Variants in PHOSPHO1 observed in about 807,000 individuals in gnomAD.
PHOSPHO1 encodes phosphoethanolamine/phosphocholine phosphatase.
PHOSPHO1 carries 6 observed loss-of-function variants against 17.7 expected under a neutral mutation model. That is an observed-to-expected ratio of 0.34 (90% CI 0.19 to 0.67). The LOEUF is 0.67. Among genes scored for constraint, PHOSPHO1 ranks in the 30% least tolerant of loss-of-function variants. The probability of loss-of-function intolerance (pLI) is 0.69; values close to 1 mark genes in which losing one functional copy is unlikely to be tolerated. For synonymous variants in PHOSPHO1, 159 were observed against 174.6 expected (o/e 0.91, Z 0.71); for missense variants, 330 against 392.1 (o/e 0.84, Z 1.34).
In PHOSPHO1 at chr17:49,224,000, A is replaced by G. The variant is rs117283909; in HGVS notation, c.*246T>C. On this transcript the variant is annotated 3_prime_UTR_variant, in exon 3 of 3. Coordinates refer to ENST00000310544, the MANE Select transcript of PHOSPHO1 (RefSeq NM_178500.4). ...TCCAAGGTTTGCGCGCCACCCCGCG[A>G]TGGGTCAGACTCCAGAACTCAACCG... The G allele has an allele frequency of 7.9e-4, 356 of 452,392 alleles. No homozygotes were observed. Among genetic ancestry groups the G allele is most frequent in the Non-Finnish European group, 1.1e-3 (295 of 270,930 alleles). 28.0% of individuals were successfully genotyped at this position (452,392 alleles called of 1,614,324 possible).
At chr17:49,225,202 C>G in intron 2 of PHOSPHO1, 198 bp from the exon 3 acceptor site, 2 of 1,425,834 alleles carry the variant, frequency 1.4e-6, no homozygotes, top group Non-Finnish European at 1.8e-6. Flanking sequence ...CCAGCCTTCC[C>G]TGACTACTCC....
chr17:49,225,668 A>G (rs1226656628), intron 2 of PHOSPHO1: 13 of 1,289,992 alleles, frequency 1.0e-5, no homozygotes, highest in Non-Finnish European at 1.3e-5. Flanking sequence ...ATTCCCCAGG[A>G]GGAACGTGTC....
chr17:49,228,787 C>CAA lies in PHOSPHO1; in HGVS notation c.-68+1679_-68+1680dup, dbSNP rs71144585. ...CCTGGGCGACAGCGAGACTCCGTCT[C>CAA]AAAAAAAAAAAAAAAAAAAAAAATT... is the stretch of plus-strand genomic sequence containing the variant. On this transcript the variant is annotated intron_variant, in intron 1 of 2. Coordinates refer to ENST00000310544, the MANE Select transcript of PHOSPHO1 (RefSeq NM_178500.4). Among the ~76,000 whole-genome samples the CAA allele has an allele frequency of 9.7e-3, 765 of 78,546 alleles. 10 individuals are homozygous for CAA. The highest frequency in any genetic ancestry group is 0.048 in the East Asian group (119 of 2,486). 51.5% of individuals were successfully genotyped at this position (78,546 alleles called of 152,430 possible).
intron 1 of PHOSPHO1, among the ~76,000 whole-genome samples, chr17:49,229,932 C>T (rs577227821): frequency 3.9e-5 from 6 of 152,278 alleles, no homozygotes; most frequent in African/African-American, 9.6e-5. Flanking sequence ...TGGAGCTCCC[C>T]CCTTGGCCCT....
At chr17:49,225,680 G>A (rs1222922286) in intron 2 of PHOSPHO1, 1 of 1,289,806 alleles carries the variant, frequency 7.8e-7, no homozygotes, top group Non-Finnish European at 1.0e-6. Flanking sequence ...GAACGTGTCA[G>A]CAGGTGGGGT....
At position 49,224,204 on chromosome 17, in the gene PHOSPHO1, C is replaced by T. The variant is rs1489708355; in HGVS notation, c.*42G>A. On this transcript the variant is annotated 3_prime_UTR_variant, in exon 3 of 3. Coordinates refer to ENST00000310544, the MANE Select transcript of PHOSPHO1 (RefSeq NM_178500.4). The stretch of plus-strand genomic sequence containing the variant: ...TTTGCCGAATCTCCCTTCCCCGCCC[C>T]CTCCGCCGTTGGCCCGGGTACCCCC... 2.0e-6 allele frequency: 3 copies of T among 1,511,544 alleles called. No individual in the cohort carries two copies. Among genetic ancestry groups the T allele is most frequent in the South Asian group, 1.3e-5 (1 of 79,162 alleles). The allele number at this position is 1,511,544 out of a possible 1,614,324, so 93.6% of individuals were successfully genotyped here. A position where few individuals can be genotyped will look rare whatever the true frequency, so the allele number is the denominator to read the frequency against.
At chr17:49,228,289 CTTCCTTCCTCCT>C (rs765359575) in intron 1 of PHOSPHO1, among the ~76,000 whole-genome samples, 7,393 of 74,820 alleles carry the variant, frequency 0.099, 248 homozygotes, top group Non-Finnish European at 0.14. Flanking sequence ...TCCTTCCTTC[CTTCCTTCCTCCT>C]TCCTTCCTTC....
At position 49,228,774 on chromosome 17, in the gene PHOSPHO1, C is replaced by T. The variant is rs566685150; in HGVS notation, c.-68+1694G>A. ...CATTGCATTCCAGCCTGGGCGACAG[C>T]GAGACTCCGTCTCAAAAAAAAAAAA... is the stretch of plus-strand genomic sequence containing the variant. On this transcript the variant is annotated intron_variant, in intron 1 of 2. Transcript: ENST00000310544. Among the ~76,000 whole-genome samples the T allele has an allele frequency of 3.0e-3, 392 of 128,888 alleles. 1 individual carries two copies. The highest frequency in any genetic ancestry group is 0.012 in the African/African-American group (376 of 32,316). The allele number at this position is 128,888 out of a possible 152,430, so 84.6% of individuals were successfully genotyped here. A position where few individuals can be genotyped will look rare whatever the true frequency, so the allele number is the denominator to read the frequency against.
intron 2 of PHOSPHO1, chr17:49,225,399 C>CT (rs2043344368): frequency 1.0e-6 from 1 of 985,298 alleles, no homozygotes; most frequent in Non-Finnish European, 1.2e-6. Flanking sequence ...CCAGTGGCCC[C>CT]TGTTGTTGGT....
chr17:49,225,756 C>G (rs750190530), intron 2 of PHOSPHO1: 24 of 1,278,014 alleles, frequency 1.9e-5, no homozygotes, highest in Non-Finnish European at 2.4e-5. Context: ...GTAAGAGCCT[C>G]CCGCACCAGG....
intron 1 of PHOSPHO1, among the ~76,000 whole-genome samples, chr17:49,229,640 A>G (rs555802996): frequency 2.1e-4 from 32 of 152,170 alleles, no homozygotes; most frequent in Non-Finnish European, 4.1e-4. Context: ...GAGGATGGGG[A>G]GGCGAGGACT....
chr17:49,224,184 C>T lies in PHOSPHO1; in HGVS notation c.*62G>A. On this transcript the variant is annotated 3_prime_UTR_variant, in exon 3 of 3. Coordinates refer to ENST00000310544, the MANE Select transcript of PHOSPHO1 (RefSeq NM_178500.4). ...AAGGGAGTAGTAAAGCTGTCTTTGCCGAATCTCCCTTCCCCGCCCCCTCCG... is the reference window on the plus strand; with the variant it reads ...AAGGGAGTAGTAAAGCTGTCTTTGCTGAATCTCCCTTCCCCGCCCCCTCCG... The T allele has an allele frequency of 6.8e-7, 1 of 1,474,326 alleles. No homozygotes were observed. Among genetic ancestry groups the T allele is most frequent in the Non-Finnish European group, 8.9e-7 (1 of 1,118,596 alleles). 91.3% of individuals were successfully genotyped at this position (1,474,326 alleles called of 1,614,324 possible).
intron 1 of PHOSPHO1, among the ~76,000 whole-genome samples, chr17:49,228,646 T>TG (rs1375312259): frequency 6.6e-6 from 1 of 151,718 alleles, no homozygotes; most frequent in African/African-American, 2.4e-5. Flanking sequence ...AAAAATTAGC[T>TG]GGGTGTGGTG....
chr17:49,229,457 C>T (rs2043392081), intron 1 of PHOSPHO1, among the ~76,000 whole-genome samples: 1 of 152,146 alleles, frequency 6.6e-6, no homozygotes, highest in Non-Finnish European at 1.5e-5. Context: ...AGATCCCTGC[C>T]TGCTTCTCCC....
intron 1 of PHOSPHO1, among the ~76,000 whole-genome samples, chr17:49,228,667 G>A (rs2043384191): frequency 6.6e-6 from 1 of 151,862 alleles, no homozygotes; most frequent in African/African-American, 2.4e-5. Flanking sequence ...GCGGGCGCCT[G>A]TAGTCCCAGC....
At chr17:49,226,076 G>A (rs1202122161) in intron 2 of PHOSPHO1, among the ~76,000 whole-genome samples, 1 of 152,066 alleles carries the variant, frequency 6.6e-6, no homozygotes, top group Non-Finnish European at 1.5e-5. Flanking sequence ...GGCAAGCAAT[G>A]GAGGCAGCAA....
chr17:49,225,313 G>T, intron 2 of PHOSPHO1: 3 of 985,460 alleles, frequency 3.0e-6, no homozygotes, highest in Non-Finnish European at 3.6e-6. Context: ...CTTAACAAGG[G>T]TCAAAAGAAG....
In PHOSPHO1 at chr17:49,224,055, G is replaced by A. The variant is rs2043321872; in HGVS notation, c.*191C>T. 1.2e-6 allele frequency: 1 copy of A among 831,652 alleles called. No homozygotes were observed. The highest frequency in any genetic ancestry group is 1.8e-6 in the Non-Finnish European group (1 of 561,694). 51.5% of individuals were successfully genotyped at this position (831,652 alleles called of 1,614,324 possible). ...CAGTGGAGTGGGGGAGGCAGCCGAG[G>A]TGGGTTAACTGAATAGATAGGGACG... is the stretch of plus-strand genomic sequence containing the variant. On this transcript the variant is annotated 3_prime_UTR_variant, in exon 3 of 3. Transcript: ENST00000310544.
At chr17:49,229,933 C>G (rs1160689026) in intron 1 of PHOSPHO1, among the ~76,000 whole-genome samples, 3 of 152,302 alleles carry the variant, frequency 2.0e-5, no homozygotes, top group East Asian at 1.9e-4. Context: ...GGAGCTCCCC[C>G]CTTGGCCCTG....
Sources: allele counts gnomAD v4.1 joint callset (sites outside exome capture counted in the v4.1 genomes callset), GRCh38; gene constraint gnomAD v4.1.1; transcripts MANE v1.5; gene names NCBI Gene and HGNC (gene_info 2026-07-23, HGNC 2026-07-21).